Variants in AGGF1 observed in about 807,000 individuals in gnomAD.
AGGF1 encodes the protein angiogenic factor with G-patch and FHA domains 1.
A neutral mutation model predicts 86.5 loss-of-function variants in AGGF1; 56 were observed. The ratio of observed to expected loss-of-function variants is 0.65; its 90% CI spans 0.52 to 0.81. The LOEUF (loss-of-function observed/expected upper bound fraction) is 0.81. AGGF1 is among the 30% of genes least tolerant of loss of function. The pLI, the probability that AGGF1 is intolerant of heterozygous loss-of-function variation, is 0.00. For synonymous variants in AGGF1, 313 were observed against 297.1 expected (o/e 1.05, Z -0.55); for missense variants, 816 against 850.9 (o/e 0.96, Z 0.51).
intron 11 of AGGF1, 97 bp from the exon 12 acceptor site, chr5:77,059,519 G>T (rs563560757): frequency 1.9e-6 from 2 of 1,076,318 alleles, no homozygotes; most frequent in Non-Finnish European, 2.8e-6. Context: ...GTTTATAGAG[G>T]CCACATTGAA....
At position 77,048,916 on chromosome 5, in the gene AGGF1, C is replaced by T; in HGVS notation, c.1314-20C>T. On this transcript the variant is annotated intron_variant, in intron 7 of 13. Coordinates refer to ENST00000312916, the MANE Select transcript of AGGF1 (RefSeq NM_018046.5). ...AATATGCTTCAAAAATTATTAAAGA[C>T]ACTTTACTTAACTCTGCAGAGAAAA... is the stretch of plus-strand genomic sequence containing the variant. The T allele has an allele frequency of 6.2e-7, 1 of 1,611,710 alleles. No individual in the cohort carries two copies. The highest frequency in any genetic ancestry group is 1.3e-5 in the African/African-American group (1 of 74,962).
At chr5:77,049,158 C>A (rs542448190) in intron 8 of AGGF1, among the ~76,000 whole-genome samples, 171 bp downstream of exon 8, 1 of 152,206 alleles carries the variant, frequency 6.6e-6, no homozygotes, top group African/African-American at 2.4e-5. Flanking sequence ...GAAAATAATT[C>A]TTTATCACAA....
chr5:77,055,449 T>G, intron 10 of AGGF1, 65 bp from the exon 11 acceptor site: 1 of 1,009,346 alleles, frequency 9.9e-7, no homozygotes, highest in Non-Finnish European at 1.5e-6. Flanking sequence ...TAAATAACAT[T>G]AGTTTTAATT....
intron 9 of AGGF1, 113 bp downstream of exon 9, chr5:77,052,920 T>C: frequency 1.1e-6 from 1 of 873,224 alleles, no homozygotes; most frequent in Non-Finnish European, 1.9e-6. Context: ...TAAGCCCAAA[T>C]GTGTTACTTC....
chr5:77,058,453 G>C (rs986056267), intron 11 of AGGF1, among the ~76,000 whole-genome samples: 1 of 152,080 alleles, frequency 6.6e-6, no homozygotes, highest in Non-Finnish European at 1.5e-5. Context: ...TGTATCTTTC[G>C]TTGTTGTTGC....
In AGGF1 at chr5:77,063,110, T is replaced by G. The variant is rs1380431218; in HGVS notation, c.2003T>G (p.Phe668Cys). ...TTGGGGACAGGCAAACCATCCTCATTTGAAGATGTTCACCTTCTCCAAAAC... is the reference window on the plus strand; with the variant it reads ...TTGGGGACAGGCAAACCATCCTCATGTGAAGATGTTCACCTTCTCCAAAAC... Reference protein sequence around the residue: ...AGLGTGKPSSFEDVHLLQNKN... With the variant: ...AGLGTGKPSSCEDVHLLQNKN... The change falls in exon 14 of 14, where the codon TTT (phenylalanine) becomes TGT (cysteine). Residue 668 changes from phenylalanine (F) to cysteine (C), a missense_variant. Coordinates refer to ENST00000312916, the MANE Select transcript of AGGF1 (RefSeq NM_018046.5). 3 of 1,613,874 alleles carry G rather than the reference T, an allele frequency of 1.9e-6. No individual in the cohort carries two copies. Among genetic ancestry groups the G allele is most frequent in the African/African-American group, 1.3e-5 (1 of 74,868 alleles).
At chr5:77,056,971 A>G (rs958486026) in intron 11 of AGGF1, among the ~76,000 whole-genome samples, 5 of 151,138 alleles carry the variant, frequency 3.3e-5, no homozygotes, top group African/African-American at 1.2e-4. Flanking sequence ...GCTTCACCAA[A>G]GAAGATATGC....
chr5:77,054,186 T>C, intron 10 of AGGF1, 56 bp downstream of exon 10: 1 of 1,605,898 alleles, frequency 6.2e-7, no homozygotes, highest in East Asian at 2.2e-5. Context: ...ATTACCTAAA[T>C]GTTCTAAAAA....
Position 77,030,916 on chromosome 5 carries a change from G to A in AGGF1, c.150G>A (p.Leu50=), listed in dbSNP as rs777744599. 2 of 1,613,338 alleles carry A rather than the reference G, an allele frequency of 1.2e-6. No homozygotes were observed. The highest frequency in any genetic ancestry group is 1.7e-6 in the Non-Finnish European group (2 of 1,180,008). The change falls in exon 1 of 14, where the codon CTG becomes CTA. Residue 50 remains leucine, a synonymous_variant. Transcript: ENST00000312916. ...AGGTGCGGGAGATCGAGAAGCTGCTGCATCACACAGAACGGCTGTACCAGA... is the reference window on the plus strand; with the variant it reads ...AGGTGCGGGAGATCGAGAAGCTGCTACATCACACAGAACGGCTGTACCAGA... ...KRQVREIEKL[L]HHTERLYQNA...
rs1419588909 is a variant in AGGF1, at chr5:77,030,447, G to C, written c.-320G>C. The C allele has an allele frequency of 1.8e-6, 1 of 551,684 alleles. No homozygotes were observed. Among genetic ancestry groups the C allele is most frequent in the East Asian group, 4.4e-5 (1 of 22,958 alleles). 34.2% of individuals were successfully genotyped at this position (551,684 alleles called of 1,614,324 possible). Reference sequence around the variant, plus strand: ...ACTGGGGAGCTGCTGGAGCTCTTCTGGCCTCTGGTTTTCCGACTGCTTATC... The same window carrying C: ...ACTGGGGAGCTGCTGGAGCTCTTCTCGCCTCTGGTTTTCCGACTGCTTATC... On this transcript the variant is annotated 5_prime_UTR_variant, in exon 1 of 14. Coordinates refer to ENST00000312916, the MANE Select transcript of AGGF1 (RefSeq NM_018046.5).
chr5:77,058,475 G>T (rs1421093492), intron 11 of AGGF1, among the ~76,000 whole-genome samples: 1 of 152,026 alleles, frequency 6.6e-6, no homozygotes, highest in South Asian at 2.1e-4. Context: ...GTTTTACTTA[G>T]GTAGAGAAAT....
chr5:77,054,242 A>T lies in AGGF1; in HGVS notation c.1633+112A>T. 1.1e-5 allele frequency: 13 copies of T among 1,233,650 alleles called. 1 individual carries two copies. The South Asian group carries it at 1.6e-4, about 15-fold the overall frequency. The allele number at this position is 1,233,650 out of a possible 1,614,324, so 76.4% of individuals were successfully genotyped here. A position where few individuals can be genotyped will look rare whatever the true frequency, so the allele number is the denominator to read the frequency against. On this transcript the variant is annotated intron_variant, in intron 10 of 13. Coordinates refer to ENST00000312916, the MANE Select transcript of AGGF1 (RefSeq NM_018046.5). ...ACATGTCTAATTGATACGATACTGC[A>T]TTGAGAGATATTTTATACAAAGCTA...
chr5:77,034,603 ACAAAGAT>A, intron 2 of AGGF1, 83 bp downstream of exon 2: 1 of 968,008 alleles, frequency 1.0e-6, no homozygotes, highest in Non-Finnish European at 1.7e-6. Context: ...TTTAAAATAA[ACAAAGAT>A]CAAGGTAAAT....
chr5:77,036,830 C>CCA (rs767789823), intron 4 of AGGF1, 110 bp downstream of exon 4: 46 of 1,197,242 alleles, frequency 3.8e-5, no homozygotes, highest in Non-Finnish European at 5.4e-5. Flanking sequence ...TTTCACCCCC[C>CCA]AGGTTCAAGT....
Position 77,039,514 on chromosome 5 carries a change from T to C in AGGF1, c.682-17T>C. ...ATCTTACATGAATAGAATTTATTTT[T>C]TTCTTGACTTTCAAAGGAAAATCAA... On this transcript the variant is annotated splice_polypyrimidine_tract_variant and intron_variant, in intron 4 of 13. Transcript: ENST00000312916. 6.3e-7 allele frequency: 1 copy of C among 1,579,708 alleles called. No individual in the cohort carries two copies. Among genetic ancestry groups the C allele is most frequent in the Non-Finnish European group, 8.6e-7 (1 of 1,156,422 alleles).
At position 77,030,720 on chromosome 5, in the gene AGGF1, C is replaced by T. The variant is rs748403447; in HGVS notation, c.-47C>T. On this transcript the variant is annotated 5_prime_UTR_variant, in exon 1 of 14. Coordinates refer to ENST00000312916, the MANE Select transcript of AGGF1 (RefSeq NM_018046.5). The stretch of plus-strand genomic sequence containing the variant: ...TGGGTCCGCCGGCGTCCGTTTCGGC[C>T]TGAACGCAGCCCCTCCGCGGCGACG... The T allele has an allele frequency of 3.8e-5, 58 of 1,541,274 alleles. No homozygotes were observed. In the Middle Eastern group the frequency reaches 6.3e-4, roughly 17 times the overall value.
At chr5:77,033,332 G>C (rs970563298) in intron 1 of AGGF1, among the ~76,000 whole-genome samples, 6 of 152,130 alleles carry the variant, frequency 3.9e-5, no homozygotes, top group African/African-American at 1.4e-4. Context: ...TATTTTATGT[G>C]TAAAATTGGG....
Position 77,030,816 on chromosome 5 carries a change from C to G in AGGF1, c.50C>G (p.Ser17Cys), listed in dbSNP as rs372581169. The G allele has an allele frequency of 2.5e-6, 4 of 1,607,542 alleles. No homozygotes were observed. The highest frequency in any genetic ancestry group is 3.4e-6 in the Non-Finnish European group (4 of 1,178,898). The change falls in exon 1 of 14, where the codon TCC (serine) becomes TGC (cysteine). Residue 17 changes from serine (S) to cysteine (C), a missense_variant. Physicochemically the swap from Ser to Cys is moderately radical, Grantham distance 112 (BLOSUM62 -1). Around this residue, in one of 3 missense-constraint regions of AGGF1, gnomAD observed 240 missense variants for 234.4 expected, o/e 1.02. Transcript: ENST00000312916. Reference protein sequence around the residue: ...SPPRSPPPPTSPEPELAQLRR... With the variant: ...SPPRSPPPPTCPEPELAQLRR... ...CCGCGGTCGCCGCCGCCGCCCACCTCCCCCGAGCCTGAGCTGGCCCAGCTA... is the reference window on the plus strand; with the variant it reads ...CCGCGGTCGCCGCCGCCGCCCACCTGCCCCGAGCCTGAGCTGGCCCAGCTA...
chr5:77,053,891 A>C lies in AGGF1; in HGVS notation c.1468-74A>C, dbSNP rs200634999. 3.5e-4 allele frequency: 494 copies of C among 1,418,442 alleles called. 5 individuals carry two copies. Among genetic ancestry groups the C allele is most frequent in the Non-Finnish European group, 3.3e-4 (339 of 1,012,230 alleles). The allele number at this position is 1,418,442 out of a possible 1,614,324, so 87.9% of individuals were successfully genotyped here. On this transcript the variant is annotated intron_variant, in intron 9 of 13. Coordinates refer to ENST00000312916, the MANE Select transcript of AGGF1 (RefSeq NM_018046.5). ...TATATTTTAAAAATTATAATCAGAC[A>C]TTACTTACAGTAGATGTAAGGTAAC... is the stretch of plus-strand genomic sequence containing the variant.
Sources: allele counts gnomAD v4.1 joint callset (sites outside exome capture counted in the v4.1 genomes callset), GRCh38; gene constraint gnomAD v4.1.1; regional missense constraint gnomAD v4.1.1; transcripts MANE v1.5; gene names NCBI Gene and HGNC (gene_info 2026-07-23, HGNC 2026-07-21).